Variants in ANKRD28 observed in about 807,000 individuals in gnomAD.
ANKRD28 encodes ankyrin repeat domain 28, also known as serine/threonine-protein phosphatase 6 regulatory ankyrin repeat subunit A.
In ANKRD28, 44 loss-of-function variants were observed where a neutral mutation model predicts 126.5. That is an observed-to-expected ratio of 0.35 (90% CI 0.27 to 0.45). The LOEUF (loss-of-function observed/expected upper bound fraction) is 0.45, where lower values mean the gene tolerates loss of function less well. Ranked by LOEUF, ANKRD28 falls within the 20% of genes least tolerant of loss-of-function variation. The pLI is 1.00. For missense variants in ANKRD28, 1,110 were observed against 1,316.6 expected (o/e 0.84, Z 2.43); for synonymous variants, 442 against 468.5 (o/e 0.94, Z 0.73).
intron 3 of ANKRD28, among the ~76,000 whole-genome samples, chr3:15,755,836 T>C (rs2058125299): frequency 6.6e-6 from 1 of 152,230 alleles, no homozygotes; most frequent in Non-Finnish European, 1.5e-5. Flanking sequence ...TTCCTACTCA[T>C]TAAGACAGAA....
rs969501751 is a variant in ANKRD28 at position 15,667,678 on chromosome 3, T to C, written c.*2592A>G. On this transcript the variant is annotated 3_prime_UTR_variant, in exon 28 of 28. Coordinates refer to ENST00000683139, the MANE Select transcript of ANKRD28 (RefSeq NM_001349278.2). ...GACAGTACTTTGGGGTTTCCCTTCA[T>C]TGGGTGCAGACCAAAGGAAGTGGTT... 6.6e-6 allele frequency: 1 copy of C among 152,136 alleles called. No homozygotes were observed. Among genetic ancestry groups the C allele is most frequent in the South Asian group, 2.1e-4 (1 of 4,824 alleles). The allele number at this position is 152,136 out of a possible 1,614,324, so 9.4% of individuals were successfully genotyped here.
At chr3:15,806,962 AG>A (rs2060596213) in intron 1 of ANKRD28, among the ~76,000 whole-genome samples, 1 of 152,256 alleles carries the variant, frequency 6.6e-6, no homozygotes, top group Non-Finnish European at 1.5e-5. Context: ...GCTTAAACAA[AG>A]GGATTATCAT....
In ANKRD28 at chr3:15,854,278, A is replaced by G. The variant is rs1321812435; in HGVS notation, c.27+5099T>C. 1.3e-5 allele frequency among the ~76,000 whole-genome samples: 2 copies of G among 152,134 alleles called. No homozygotes were observed. The highest frequency in any genetic ancestry group is 2.9e-5 in the Non-Finnish European group (2 of 68,038). On this transcript the variant is annotated intron_variant, in intron 1 of 27. Transcript: ENST00000399451. This position sits in a 1 kb window ranked among gnomAD's most constrained non-coding sequence, Gnocchi z 4.1. ...TAACTAATTTATCTTCTCTTTTCCAACTACACACTCCAATCAAGACTATCT... is the reference window on the plus strand; with the variant it reads ...TAACTAATTTATCTTCTCTTTTCCAGCTACACACTCCAATCAAGACTATCT...
chr3:15,764,826 G>A (rs779097303), intron 3 of ANKRD28, among the ~76,000 whole-genome samples: 5 of 151,976 alleles, frequency 3.3e-5, no homozygotes, highest in Non-Finnish European at 5.9e-5. Flanking sequence ...GTACATCAGC[G>A]GTGAAATTAT....
intron 27 of ANKRD28, among the ~76,000 whole-genome samples, chr3:15,674,196 A>AAAAAGAAG (rs1470515364): frequency 1.2e-4 from 15 of 130,166 alleles, no homozygotes; most frequent in African/African-American, 4.6e-4. Flanking sequence ...AAAAAAAAAA[A>AAAAAGAAG]AAGAAGAAGA....
At chr3:15,806,876 T>C (rs1196173815) in intron 1 of ANKRD28, among the ~76,000 whole-genome samples, 1 of 152,152 alleles carries the variant, frequency 6.6e-6, no homozygotes, top group East Asian at 1.9e-4. Flanking sequence ...TGTAATAGAA[T>C]ATTAAACACA....
At chr3:15,706,005 C>T (rs1308455529) in intron 14 of ANKRD28, among the ~76,000 whole-genome samples, 1 of 150,530 alleles carries the variant, frequency 6.6e-6, no homozygotes, top group Non-Finnish European at 1.5e-5. Context: ...CATCTCAAAA[C>T]GAAACAAAAC....
intron 17 of ANKRD28, among the ~76,000 whole-genome samples, chr3:15,690,626 G>T (rs962212661): frequency 1.3e-5 from 2 of 152,236 alleles, no homozygotes; most frequent in African/African-American, 4.8e-5. Flanking sequence ...GTCCAGTGGC[G>T]TGATCATAGC....
intron 1 of ANKRD28, among the ~76,000 whole-genome samples, chr3:15,835,672 A>G (rs76265270): frequency 0.013 from 1,924 of 152,334 alleles, 45 homozygotes; most frequent in African/African-American, 0.044. Flanking sequence ...CTTCTCTCCC[A>G]GCCTCATCTT....
chr3:15,711,367 C>T (rs2072253812), intron 11 of ANKRD28, 93 bp from the exon 12 acceptor site: 1 of 1,035,262 alleles, frequency 9.7e-7, no homozygotes, highest in East Asian at 2.5e-5. Context: ...TCCTCCCCTC[C>T]AATCCCAAAC....
chr3:15,720,495 CTTCT>C (rs2073600467), intron 8 of ANKRD28, among the ~76,000 whole-genome samples: 1 of 152,152 alleles, frequency 6.6e-6, no homozygotes, highest in African/African-American at 2.4e-5. Flanking sequence ...TAGTATTTTC[CTTCT>C]AAGAGAAAAT....
In ANKRD28 at chr3:15,814,841, A is replaced by C. The variant is rs1403264922; in HGVS notation, c.28-19535T>G. Among the ~76,000 whole-genome samples, 3 of 151,276 alleles carry C rather than the reference A, an allele frequency of 2.0e-5. No individual in the cohort carries two copies. Among genetic ancestry groups the C allele is most frequent in the Middle Eastern group, 7.0e-3 (2 of 286 alleles). ...CATAAATTTAAGAAATCACTGCAAT[A>C]TCTCTCAAAGAAAACTCTGGTAATT... On this transcript the variant is annotated intron_variant, in intron 1 of 27. Transcript: ENST00000399451. The surrounding 1 kb of genome is among the most constrained non-coding windows in gnomAD (Gnocchi z 4.7).
chr3:15,782,244 A>T (rs951975197), intron 2 of ANKRD28, among the ~76,000 whole-genome samples: 2 of 152,108 alleles, frequency 1.3e-5, no homozygotes, highest in Non-Finnish European at 2.9e-5. Context: ...CCAGTTAGGG[A>T]AAACTAATAA....
chr3:15,750,079 CT>C, intron 4 of ANKRD28, among the ~76,000 whole-genome samples: 1 of 152,206 alleles, frequency 6.6e-6, no homozygotes, highest in Admixed American at 6.5e-5. Flanking sequence ...GGAATTAAGT[CT>C]CTGGCAGAAT....
intron 2 of ANKRD28, among the ~76,000 whole-genome samples, chr3:15,768,829 G>T (rs1264170640): frequency 6.6e-6 from 1 of 152,126 alleles, no homozygotes; most frequent in Non-Finnish European, 1.5e-5. Context: ...AGTAAGCTAA[G>T]GGTTCTTTCT....
At chr3:15,673,111 A>T (rs561058920) in intron 27 of ANKRD28, among the ~76,000 whole-genome samples, 1 of 152,332 alleles carries the variant, frequency 6.6e-6, no homozygotes, top group East Asian at 1.9e-4. Context: ...CTCTTTGCTT[A>T]GAAAGTTCCT....
At chr3:15,818,004 A>G (rs1575763116) in intron 1 of ANKRD28, among the ~76,000 whole-genome samples, 1 of 152,220 alleles carries the variant, frequency 6.6e-6, no homozygotes, top group African/African-American at 2.4e-5. Flanking sequence ...ACCATTTATA[A>G]TAATACCCCA....
intron 1 of ANKRD28, among the ~76,000 whole-genome samples, chr3:15,822,760 A>C (rs955197578): frequency 1.3e-5 from 2 of 152,184 alleles, no homozygotes; most frequent in Non-Finnish European, 2.9e-5. Flanking sequence ...ATGTTAAAAA[A>C]TAGAAGTCAC....
At chr3:15,805,974 T>C (rs1321439020) in intron 1 of ANKRD28, among the ~76,000 whole-genome samples, 1 of 151,866 alleles carries the variant, frequency 6.6e-6, no homozygotes, top group African/African-American at 2.4e-5. Context: ...AAAAAAAAAA[T>C]GATTCATGTC....
Sources: gnomAD v4.1 joint callset for allele counts (sites outside exome capture counted in the v4.1 genomes callset) on GRCh38, gnomAD v4.1.1 for gene constraint, Gnocchi (gnomAD v3.1) non-coding constraint, MANE v1.5 for transcripts, NCBI Gene and HGNC (gene_info 2026-07-23, HGNC 2026-07-21) for gene names.